Variants in CD36 observed in about 807,000 individuals in gnomAD.
The protein encoded by CD36 is platelet glycoprotein 4.
In CD36, 119 loss-of-function variants were observed where a neutral mutation model predicts 55.2. That is an observed-to-expected ratio of 2.15 (90% CI 1.86 to 2.51). CD36 has a LOEUF of 2.51. CD36 is among the 30% of genes most tolerant of loss of function. The probability of loss-of-function intolerance (pLI) is 0.00; values close to 1 mark genes in which losing one functional copy is unlikely to be tolerated. For missense variants in CD36, 819 were observed against 555.5 expected, an observed-to-expected ratio of 1.47 and a Z score of -4.77; for synonymous variants, 186 against 193.6, an observed-to-expected ratio of 0.96 and a Z score of 0.33.
chr7:80,632,244 T>G (rs1794113647), intron 1 of CD36, among the ~76,000 whole-genome samples: 1 of 150,748 alleles, frequency 6.6e-6, no homozygotes, highest in South Asian at 2.1e-4. Context: ...CAGGGCAGAA[T>G]GATCACTTCT....
At chr7:80,632,251 T>C (rs1390465900) in intron 1 of CD36, among the ~76,000 whole-genome samples, 17 of 150,588 alleles carry the variant, frequency 1.1e-4, no homozygotes, top group African/African-American at 3.9e-4. Context: ...GAATGATCAC[T>C]TCTCCATTTA....
rs2116951234 is a variant in CD36, at chr7:80,678,049, G to T, written c.*1666G>T. On this transcript the variant is annotated 3_prime_UTR_variant, in exon 15 of 15. Transcript: ENST00000447544. ...AGTAGGAAAAATAATTACTTAAGGG[G>T]AGATTTTTTTTACATGAAATCTGGG... is the stretch of plus-strand genomic sequence containing the variant. 6.6e-6 allele frequency: 1 copy of T among 151,684 alleles called. No individual in the cohort carries two copies. Among genetic ancestry groups the T allele is most frequent in the Middle Eastern group, 3.4e-3 (1 of 294 alleles). 9.4% of individuals were successfully genotyped at this position (151,684 alleles called of 1,614,324 possible).
At chr7:80,673,889 T>G (rs3817556) in intron 13 of CD36, 94 bp from the exon 14 acceptor site, 27 of 886,126 alleles carry the variant, frequency 3.0e-5, no homozygotes, top group Non-Finnish European at 4.6e-5. Flanking sequence ...CTAACACCAA[T>G]AGAGGTGTTA....
intron 1 of CD36, among the ~76,000 whole-genome samples, chr7:80,624,616 A>AAT (rs1375167701): frequency 1.3e-5 from 2 of 151,902 alleles, no homozygotes; most frequent in East Asian, 3.9e-4. Context: ...TATTCTTAGG[A>AAT]ATATATATAT....
chr7:80,637,405 A>G (rs1267650351), upstream of CD36, among the ~76,000 whole-genome samples: 1 of 152,082 alleles, frequency 6.6e-6, no homozygotes, highest in Non-Finnish European at 1.5e-5. Context: ...TAAATTATAA[A>G]GAGATTGCAC....
intron 8 of CD36, among the ~76,000 whole-genome samples, chr7:80,669,207 GTTTCT>G (rs1288276877): frequency 2.0e-5 from 3 of 152,072 alleles, no homozygotes; most frequent in Non-Finnish European, 4.4e-5. Context: ...TCATGTTTAA[GTTTCT>G]TTTATTTTGT....
chr7:80,651,442 A>C (rs1795612986), intron 3 of CD36, among the ~76,000 whole-genome samples: 1 of 152,202 alleles, frequency 6.6e-6, no homozygotes, highest in Non-Finnish European at 1.5e-5. Context: ...TTCTAACTAT[A>C]GAACACCAAA....
upstream of CD36, among the ~76,000 whole-genome samples, chr7:80,637,707 T>C (rs1537592): frequency 0.97 from 147,576 of 152,040 alleles, 71,641 homozygotes; most frequent in East Asian, 1. Flanking sequence ...TATATTTCTG[T>C]CTGGTATTCT....
rs894824895 is a variant in CD36 at position 80,649,467 on chromosome 7, A to G, written c.120+2607A>G. Among the ~76,000 whole-genome samples the G allele has an allele frequency of 7.0e-5, 10 of 143,532 alleles. No homozygotes were observed. The East Asian group carries it at 1.3e-3, about 18-fold the overall frequency. The allele number at this position is 143,532 out of a possible 152,430, so 94.2% of individuals were successfully genotyped here. ...CTGCACATTATATAACAAAAGGCAC[A>G]CTGGTCTGGCATGGTTGAGTATATA... On this transcript the variant is annotated intron_variant, in intron 3 of 14. Transcript: ENST00000447544.
chr7:80,608,712 C>T (rs565678117), intron 1 of CD36, among the ~76,000 whole-genome samples: 16 of 152,220 alleles, frequency 1.1e-4, no homozygotes, highest in African/African-American at 3.4e-4. Context: ...ACTAACTTCA[C>T]ACCACCCCTA....
chr7:80,677,043 T>C lies in CD36; in HGVS notation c.*660T>C, dbSNP rs1240755895. ...GCTTTTTCTAGTTCCTCTTGTGTCA[T>C]AAAATGTTTATCCTAATTTTCTCTC... On this transcript the variant is annotated 3_prime_UTR_variant, in exon 15 of 15. Transcript: ENST00000447544. 1.3e-5 allele frequency: 2 copies of C among 152,210 alleles called. No homozygotes were observed. Among genetic ancestry groups the C allele is most frequent in the South Asian group, 2.1e-4 (1 of 4,836 alleles). 9.4% of individuals were successfully genotyped at this position (152,210 alleles called of 1,614,324 possible).
intron 3 of CD36, among the ~76,000 whole-genome samples, chr7:80,655,286 A>G (rs973806928): frequency 6.6e-6 from 1 of 151,888 alleles, no homozygotes; most frequent in Non-Finnish European, 1.5e-5. Context: ...TGCACTATCT[A>G]CTACAGCGTA....
At chr7:80,668,126 C>G (rs1315471879) in intron 8 of CD36, among the ~76,000 whole-genome samples, 3 of 152,116 alleles carry the variant, frequency 2.0e-5, no homozygotes, top group African/African-American at 7.2e-5. Flanking sequence ...AATAAATTTT[C>G]AAGTCCTCAA....
chr7:80,644,043 G>A (rs3212162), intron 1 of CD36, among the ~76,000 whole-genome samples: 19,175 of 152,116 alleles, frequency 0.13, 1,703 homozygotes, highest in East Asian at 0.33. Flanking sequence ...GGCGATTACT[G>A]TGGTTGCTTA....
At chr7:80,622,645 TAAGAA>T (rs888833928) in intron 1 of CD36, among the ~76,000 whole-genome samples, 4 of 152,020 alleles carry the variant, frequency 2.6e-5, no homozygotes, top group African/African-American at 4.8e-5. Flanking sequence ...AGTGAGAAAA[TAAGAA>T]AGGAAAGAGA....
rs1165767460 is a variant in CD36, at chr7:80,667,747, G to GTTTTTTTTTTTTT, written c.748+1267_748+1279dup. ...GTTGGATTTGCAGGGGTTTTCTTTT[G>GTTTTTTTTTTTTT]TTTTTTTTTTTTTTTTTTTTTGAGA... On this transcript the variant is annotated intron_variant, in intron 8 of 14. Coordinates refer to ENST00000447544, the MANE Select transcript of CD36 (RefSeq NM_001001548.3). Among the ~76,000 whole-genome samples the GTTTTTTTTTTTTT allele has an allele frequency of 2.1e-4, 17 of 82,638 alleles. 1 individual carries two copies. Among genetic ancestry groups the GTTTTTTTTTTTTT allele is most frequent in the South Asian group, 4.8e-4 (1 of 2,080 alleles). 54.2% of individuals were successfully genotyped at this position (82,638 alleles called of 152,430 possible).
intron 1 of CD36, among the ~76,000 whole-genome samples, chr7:80,629,632 T>C (rs1031992231): frequency 2.0e-5 from 3 of 151,814 alleles, no homozygotes; most frequent in Non-Finnish European, 2.9e-5. Flanking sequence ...AGATGTGGAG[T>C]TGTGAAGTCT....
chr7:80,670,255 C>A (rs1030060822), intron 9 of CD36: 8 of 512,796 alleles, frequency 1.6e-5, no homozygotes, highest in Non-Finnish European at 2.8e-5. Context: ...AGTCTATTAA[C>A]GATCAAGTCC....
At chr7:80,616,203 T>C (rs1222899267) in intron 1 of CD36, among the ~76,000 whole-genome samples, 1 of 152,180 alleles carries the variant, frequency 6.6e-6, no homozygotes, top group South Asian at 2.1e-4. Context: ...ATATCATAGC[T>C]CAGCCTAGCT....
Sources: gnomAD v4.1 joint callset for allele counts (sites outside exome capture counted in the v4.1 genomes callset) on GRCh38, gnomAD v4.1.1 for gene constraint, MANE v1.5 for transcripts, NCBI Gene and HGNC (gene_info 2026-07-23, HGNC 2026-07-21) for gene names.